Variants in TSPAN18 observed in about 807,000 individuals in gnomAD.
TSPAN18 encodes the protein tetraspanin 18.
In TSPAN18, 14 loss-of-function variants were observed where a neutral mutation model predicts 27.3. The ratio of observed to expected loss-of-function variants is 0.51; its 90% confidence interval spans 0.34 to 0.80. TSPAN18 has a LOEUF of 0.80. TSPAN18 is among the 30% of genes least tolerant of loss of function. TSPAN18 has a pLI of 0.01. For missense variants in TSPAN18, 268 were observed against 323.9 expected (o/e 0.83, Z 1.32); for synonymous variants, 143 against 136.5 (o/e 1.05, Z -0.33).
intron 3 of TSPAN18, among the ~76,000 whole-genome samples, chr11:44,878,380 G>A (rs60557761): frequency 0.41 from 62,918 of 151,974 alleles, 14,269 homozygotes; most frequent in Non-Finnish European, 0.51. Context: ...TCTCCATCCC[G>A]GCCTGAGGAA....
chr11:44,803,001 TTCAC>T (rs962914583), intron 2 of TSPAN18, among the ~76,000 whole-genome samples: 1 of 152,088 alleles, frequency 6.6e-6, no homozygotes, highest in African/African-American at 2.4e-5. Flanking sequence ...AAGTGAGTCT[TTCAC>T]TCACTACCCA....
At chr11:44,802,758 C>A (rs1856511298) in intron 2 of TSPAN18, among the ~76,000 whole-genome samples, 1 of 151,992 alleles carries the variant, frequency 6.6e-6, no homozygotes, top group African/African-American at 2.4e-5. Flanking sequence ...AAACTGGTTC[C>A]CAAAATGCTG....
intron 8 of TSPAN18, among the ~76,000 whole-genome samples, chr11:44,924,573 T>C (rs1194471642): frequency 6.6e-6 from 1 of 152,188 alleles, no homozygotes; most frequent in Non-Finnish European, 1.5e-5. Flanking sequence ...ATTATGTCCC[T>C]GTGGCTGGCA....
chr11:44,851,506 T>G lies in TSPAN18; in HGVS notation c.-152-8822T>G, dbSNP rs935901814. ...ACTTCAGAGTTCCAAAGATCAAGGTTTGAACATCAGACAAGGGGGAAAAAC... is the reference window on the plus strand; with the variant it reads ...ACTTCAGAGTTCCAAAGATCAAGGTGTGAACATCAGACAAGGGGGAAAAAC... On this transcript the variant is annotated intron_variant, in intron 2 of 9. Transcript: ENST00000520358. Among the ~76,000 whole-genome samples, 5 of 152,056 alleles carry G rather than the reference T, an allele frequency of 3.3e-5. No individual in the cohort carries two copies. The South Asian group carries it at 6.2e-4, about 19-fold the overall frequency.
At chr11:44,820,526 T>C (rs1384153836) in intron 2 of TSPAN18, among the ~76,000 whole-genome samples, 1 of 152,242 alleles carries the variant, frequency 6.6e-6, no homozygotes, top group African/African-American at 2.4e-5. Flanking sequence ...TGTGATTGAA[T>C]CCTGTTTTGG....
At chr11:44,906,856 C>A (rs1253231799) in intron 4 of TSPAN18, among the ~76,000 whole-genome samples, 1 of 152,182 alleles carries the variant, frequency 6.6e-6, no homozygotes, top group Non-Finnish European at 1.5e-5. Context: ...GAGCAGTTGA[C>A]GGACTTCAGA....
intron 2 of TSPAN18, among the ~76,000 whole-genome samples, chr11:44,780,585 C>G (rs1855915376): frequency 6.6e-6 from 1 of 152,258 alleles, no homozygotes; most frequent in African/African-American, 2.4e-5. Context: ...TTCATCATTT[C>G]CTTCATGGTT....
intron 1 of TSPAN18, among the ~76,000 whole-genome samples, chr11:44,731,146 G>C (rs4293105): frequency 0.67 from 101,388 of 152,104 alleles, 37,120 homozygotes; most frequent in Non-Finnish European, 0.84. Flanking sequence ...CAACAGGATG[G>C]AGCAGAAAGG....
At chr11:44,755,135 T>G (rs1299155067) in intron 1 of TSPAN18, among the ~76,000 whole-genome samples, 3 of 152,128 alleles carry the variant, frequency 2.0e-5, no homozygotes, top group African/African-American at 7.2e-5. Context: ...CCTCCCTCCC[T>G]GGCCCTTCCA....
rs1313143467 is a variant in TSPAN18 at position 44,920,022 on chromosome 11, A to C, written c.615+23A>C. On this transcript the variant is annotated intron_variant, in intron 8 of 9. Transcript: ENST00000520358. Reference sequence around the variant, plus strand: ...CAGGTACTGGCCCTGCTCTCCAGACAGGGGAGTGGGTCTATCGGGATTTGG... The same window carrying C: ...CAGGTACTGGCCCTGCTCTCCAGACCGGGGAGTGGGTCTATCGGGATTTGG... The C allele has an allele frequency of 1.9e-6, 3 of 1,605,878 alleles. No homozygotes were observed. In the South Asian group the frequency reaches 3.3e-5, roughly 18 times the overall value.
At chr11:44,739,341 G>T (rs894487273) in intron 1 of TSPAN18, among the ~76,000 whole-genome samples, 4 of 152,184 alleles carry the variant, frequency 2.6e-5, no homozygotes, top group Non-Finnish European at 5.9e-5. Context: ...ATCACGTCTG[G>T]CTGGGTGCGG....
intron 1 of TSPAN18, among the ~76,000 whole-genome samples, chr11:44,729,265 T>C (rs1342130516): frequency 6.6e-6 from 1 of 152,198 alleles, no homozygotes; most frequent in Non-Finnish European, 1.5e-5. Context: ...AAAAGAAGTT[T>C]TTTTTTGTTG....
chr11:44,921,290 G>A (rs1860124541), intron 8 of TSPAN18, among the ~76,000 whole-genome samples: 1 of 152,176 alleles, frequency 6.6e-6, no homozygotes, highest in African/African-American at 2.4e-5. Flanking sequence ...GCAGGCAGGG[G>A]TGGGCTGTTA....
Position 44,929,329 on chromosome 11 carries a change from AT to A in TSPAN18, c.*158del, listed in dbSNP as rs1437111753. ...GGAGAAGGGCCAGGGGAATAGAGCT[AT>A]TTTTTTAACAAAACAAAATGAAGAC... On this transcript the variant is annotated 3_prime_UTR_variant, in exon 10 of 10. Coordinates refer to ENST00000520358, the MANE Select transcript of TSPAN18 (RefSeq NM_130783.5). 1.1e-5 allele frequency: 10 copies of A among 913,938 alleles called. No individual in the cohort carries two copies. Among genetic ancestry groups the A allele is most frequent in the Admixed American group, 2.7e-5 (1 of 37,638 alleles). 56.6% of individuals were successfully genotyped at this position (913,938 alleles called of 1,614,324 possible). A position where few individuals can be genotyped will look rare whatever the true frequency, so the allele number is the denominator to read the frequency against.
Position 44,881,214 on chromosome 11 carries a change from G to A in TSPAN18, c.-11+20745G>A, listed in dbSNP as rs544620438. ...GAATGGATAACCATGTCTGGCACTC[G>A]CAGATCTGTAGAAGTGCAAACTCCT... is the stretch of plus-strand genomic sequence containing the variant. On this transcript the variant is annotated intron_variant, in intron 3 of 9. Coordinates refer to ENST00000520358, the MANE Select transcript of TSPAN18 (RefSeq NM_130783.5). Among the ~76,000 whole-genome samples, 5 of 152,280 alleles carry A rather than the reference G, an allele frequency of 3.3e-5. No homozygotes were observed. The East Asian group carries it at 5.8e-4, about 18-fold the overall frequency.
intron 1 of TSPAN18, chr11:44,736,177 C>T (rs932153556): frequency 6.6e-6 from 1 of 152,214 alleles, no homozygotes; most frequent in Non-Finnish European, 1.5e-5. Flanking sequence ...ATACCTACCT[C>T]ATAGCCTAGT....
intron 2 of TSPAN18, among the ~76,000 whole-genome samples, chr11:44,768,312 A>G (rs955161775): frequency 5.3e-5 from 8 of 152,216 alleles, no homozygotes; most frequent in African/African-American, 1.9e-4. Context: ...CAGATCTTAC[A>G]CATATTTTAT....
At chr11:44,923,292 G>A (rs1285485078) in intron 8 of TSPAN18, among the ~76,000 whole-genome samples, 1 of 152,134 alleles carries the variant, frequency 6.6e-6, no homozygotes, top group Non-Finnish European at 1.5e-5. Context: ...GGTGGGTGGT[G>A]ACTGTGGGTG....
In TSPAN18 at chr11:44,797,802, G is replaced by A. The variant is rs533348587; in HGVS notation, c.-153+33290G>A. On this transcript the variant is annotated intron_variant, in intron 2 of 9. Coordinates refer to ENST00000520358, the MANE Select transcript of TSPAN18 (RefSeq NM_130783.5). ...ATTTGGGAGGAATTAACACTCCCCT[G>A]CCTCAGGTGAAGCGACCTCTGGCCT... Among the ~76,000 whole-genome samples the A allele has an allele frequency of 2.0e-5, 3 of 152,316 alleles. No individual in the cohort carries two copies. The South Asian group carries it at 6.2e-4, about 32-fold the overall frequency.
Sources: allele counts gnomAD v4.1 joint callset (sites outside exome capture counted in the v4.1 genomes callset), GRCh38; gene constraint gnomAD v4.1.1; transcripts MANE v1.5; gene names NCBI Gene and HGNC (gene_info 2026-07-23, HGNC 2026-07-21).